The following AFF3 variants were observed in gnomAD, a reference collection of about 807,000 sequenced individuals.
AFF3 encodes the protein AF4/FMR2 family member 3.
A neutral mutation model predicts 129.7 loss-of-function variants in AFF3; 32 were observed. That is an observed-to-expected ratio of 0.25 (90% CI 0.19 to 0.33). The LOEUF is 0.33. Among genes scored for constraint, AFF3 ranks in the 10% least tolerant of loss-of-function variants. The pLI is 1.00. For synonymous variants in AFF3, 644 were observed against 635.4 expected (o/e 1.01, Z -0.20); for missense variants, 1,373 against 1,592.0 (o/e 0.86, Z 2.34).
intron 7 of AFF3, among the ~76,000 whole-genome samples, chr2:99,891,984 G>C (rs1055836814): frequency 6.6e-6 from 1 of 152,100 alleles, no homozygotes; most frequent in African/African-American, 2.4e-5. Context: ...CACCATGCCC[G>C]GCTCATTTTT....
intron 8 of AFF3, among the ~76,000 whole-genome samples, chr2:99,761,024 T>G (rs1682539600): frequency 6.6e-6 from 1 of 151,562 alleles, no homozygotes; most frequent in Non-Finnish European, 1.5e-5. Context: ...GCCTCCCGAG[T>G]AGCTGGAACA....
intron 16 of AFF3, among the ~76,000 whole-genome samples, chr2:99,586,330 C>T (rs1043888569): frequency 6.6e-6 from 1 of 152,182 alleles, no homozygotes; most frequent in East Asian, 1.9e-4. Context: ...GTGATTCCGG[C>T]GCTGCAGTGT....
chr2:99,977,054 G>C (rs1420598572), intron 7 of AFF3, among the ~76,000 whole-genome samples: 2 of 152,178 alleles, frequency 1.3e-5, no homozygotes, highest in Admixed American at 6.6e-5. Context: ...GACTTACAGA[G>C]TTTATGACAT....
At chr2:99,934,786 C>T (rs1024218284) in intron 7 of AFF3, among the ~76,000 whole-genome samples, 5 of 152,146 alleles carry the variant, frequency 3.3e-5, no homozygotes, top group African/African-American at 9.7e-5. Context: ...TGGGTGCACA[C>T]GGCTCAGCTA....
chr2:100,119,334 T>C (rs1691859660), intron 2 of AFF3, among the ~76,000 whole-genome samples: 1 of 152,208 alleles, frequency 6.6e-6, no homozygotes, highest in African/African-American at 2.4e-5. Flanking sequence ...CTGTTTTACA[T>C]GTCTAGAGAT....
At chr2:99,630,772 A>G (rs1170243031) in intron 13 of AFF3, 1 of 189,882 alleles carries the variant, frequency 5.3e-6, no homozygotes, top group Non-Finnish European at 1.2e-5. Flanking sequence ...ACTCACTCAC[A>G]AGAACAGCAT....
chr2:99,803,880 T>G (rs2105524776), intron 8 of AFF3, among the ~76,000 whole-genome samples: 1 of 152,250 alleles, frequency 6.6e-6, no homozygotes, highest in South Asian at 2.1e-4. Context: ...GACAGCCACA[T>G]GTAGAGGAAT....
intron 2 of AFF3, among the ~76,000 whole-genome samples, chr2:100,121,630 G>A (rs1691971183): frequency 6.6e-6 from 1 of 152,172 alleles, no homozygotes; most frequent in Non-Finnish European, 1.5e-5. Flanking sequence ...GTGGAGAGGG[G>A]ATGGGTTCAA....
intron 7 of AFF3, among the ~76,000 whole-genome samples, chr2:99,878,194 T>C (rs1692438455): frequency 6.6e-6 from 1 of 152,232 alleles, no homozygotes; most frequent in Non-Finnish European, 1.5e-5. Context: ...CAATATTCTC[T>C]AGGTCATCCG....
intron 8 of AFF3, among the ~76,000 whole-genome samples, chr2:99,816,707 C>T (rs977015178): frequency 2.0e-5 from 3 of 151,714 alleles, no homozygotes; most frequent in Non-Finnish European, 4.4e-5. Context: ...TCTGATGTTC[C>T]GATTAAGCCT....
At chr2:99,554,239 G>C in intron 24 of AFF3, 72 bp downstream of exon 24, 1 of 1,521,344 alleles carries the variant, frequency 6.6e-7, no homozygotes, top group Non-Finnish European at 9.1e-7. Context: ...AGCTACTCAG[G>C]AGGCCGAGGC....
intron 8 of AFF3, among the ~76,000 whole-genome samples, chr2:99,758,969 TACTC>T (rs1227990560): frequency 2.0e-5 from 3 of 152,190 alleles, no homozygotes. Flanking sequence ...GCTCTACAAA[TACTC>T]TACCTACAAG....
intron 7 of AFF3, among the ~76,000 whole-genome samples, chr2:99,983,720 T>C (rs1255629824): frequency 6.6e-6 from 1 of 152,214 alleles, no homozygotes; most frequent in Admixed American, 6.5e-5. Flanking sequence ...TTTAATGGAC[T>C]GAGTTACTCA....
intron 7 of AFF3, among the ~76,000 whole-genome samples, chr2:99,845,906 C>G (rs1689683578): frequency 6.6e-6 from 1 of 152,098 alleles, no homozygotes; most frequent in South Asian, 2.1e-4. Flanking sequence ...GATCTCAGCT[C>G]ACTGCAAGCT....
At chr2:99,829,508 T>C (rs1462847102) in intron 8 of AFF3, among the ~76,000 whole-genome samples, 1 of 152,200 alleles carries the variant, frequency 6.6e-6, no homozygotes, top group Non-Finnish European at 1.5e-5. Context: ...AAGACATTTA[T>C]GCAGCCAACA....
chr2:99,944,641 T>G (rs1053735741), intron 7 of AFF3, among the ~76,000 whole-genome samples: 1 of 152,076 alleles, frequency 6.6e-6, no homozygotes, highest in African/African-American at 2.4e-5. Context: ...TTTTTTTAAT[T>G]CCTTAGTACT....
intron 11 of AFF3, among the ~76,000 whole-genome samples, chr2:99,684,826 C>G (rs1218306187): frequency 1.3e-5 from 2 of 151,900 alleles, no homozygotes; most frequent in African/African-American, 4.8e-5. Context: ...TGCATATTTT[C>G]TCTGATACTT....
Position 99,947,448 on chromosome 2 carries a change from AGAAAGACAG to A in AFF3, c.873+59175_873+59183del, listed in dbSNP as rs570606765. On this transcript the variant is annotated intron_variant, in intron 7 of 24. Transcript: ENST00000672756. ...ACAGAGTGAGACCCCCTCCAAAGAT[AGAAAGACAG>A]GAAAGACAGGAAAGACAGATAGACA... Among the ~76,000 whole-genome samples the A allele has an allele frequency of 2.5e-3, 383 of 151,680 alleles. 4 individuals carry two copies. The highest frequency in any genetic ancestry group is 8.0e-3 in the African/African-American group (330 of 41,132).
At chr2:99,830,060 G>A (rs1017456110) in intron 8 of AFF3, among the ~76,000 whole-genome samples, 40 of 152,216 alleles carry the variant, frequency 2.6e-4, no homozygotes, top group Middle Eastern at 3.4e-3. Flanking sequence ...CTTATAAGTG[G>A]GAGTTGAACA....
Sources: allele counts gnomAD v4.1 joint callset (sites outside exome capture counted in the v4.1 genomes callset), GRCh38; gene constraint gnomAD v4.1.1; transcripts MANE v1.5; gene names NCBI Gene and HGNC (gene_info 2026-07-23, HGNC 2026-07-21).